OR4S1: variants seen among roughly 807,000 people sequenced by gnomAD.
OR4S1 encodes olfactory receptor 4S1.
For synonymous variants in OR4S1, 197 were observed against 144.5 expected, an observed-to-expected ratio of 1.36 and a Z score of -2.61; for missense variants, 531 against 383.0, an observed-to-expected ratio of 1.39 and a Z score of -3.23.
At position 48,306,242 on chromosome 11, in the gene OR4S1, T is replaced by C. The variant is rs114984079; in HGVS notation, c.20T>C (p.Val7Ala). ...TAATCCATGGGTGCCAAGAACAATG[T>C]GACTGAGTTTGTTTTATTTGGCCTT... MGAKNN[V>A]TEFVLFGLFE... is the part of the protein sequence containing the mutation. The change falls in exon 1 of 1, where the codon GTG becomes GCG. Residue 7 changes from valine (V) to alanine (A), a missense_variant. Physicochemically the swap from Val to Ala is moderately conservative, Grantham distance 64. Transcript: ENST00000319988. 2,072 of 1,601,404 alleles carry C rather than the reference T, an allele frequency of 1.3e-3. 48 individuals carry two copies. The African/African-American group carries it at 0.025, about 19-fold the overall frequency.
chr11:48,306,770 T>G lies in OR4S1; in HGVS notation c.548T>G (p.Leu183Arg). 6.2e-7 allele frequency: 1 copy of G among 1,614,216 alleles called. No homozygotes were observed. The highest frequency in any genetic ancestry group is 8.5e-7 in the Non-Finnish European group (1 of 1,180,026). ...TTCTTCTGTGATGTTCATCCCCTGCTCAAGTTGGCCTGTGCAGACACCTAC... is the reference window on the plus strand; with the variant it reads ...TTCTTCTGTGATGTTCATCCCCTGCGCAAGTTGGCCTGTGCAGACACCTAC... ...DNFFCDVHPL[L>R]KLACADTYMV... The change falls in exon 1 of 1, where the codon CTC becomes CGC. Residue 183 changes from leucine (L) to arginine (R), a missense_variant. Coordinates refer to ENST00000319988, the MANE Select transcript of OR4S1 (RefSeq NM_001004725.1).
At position 48,306,231 on chromosome 11, in the gene OR4S1, C is replaced by T. The variant is rs1215123725; in HGVS notation, c.9C>T (p.Ala3=). The T allele has an allele frequency of 1.3e-6, 2 of 1,596,964 alleles. No homozygotes were observed. Among genetic ancestry groups the T allele is most frequent in the Middle Eastern group, 1.7e-4 (1 of 6,032 alleles). MG[A]KNNVTEFVLF... ...ATCAGGGCAGATAATCCATGGGTGC[C>T]AAGAACAATGTGACTGAGTTTGTTT... The change falls in exon 1 of 1, where the codon GCC becomes GCT. Residue 3 remains alanine (A), a synonymous_variant. Coordinates refer to ENST00000319988, the MANE Select transcript of OR4S1 (RefSeq NM_001004725.1).
rs745316345 is a variant in OR4S1, at chr11:48,306,824, G to T, written c.602G>T (p.Ser201Ile). The T allele has an allele frequency of 2.2e-5, 36 of 1,614,104 alleles. No homozygotes were observed. The highest frequency in any genetic ancestry group is 3.3e-4 in the Middle Eastern group (2 of 6,084). Residue 201 changes from serine (S) to isoleucine (I), a missense_variant, in exon 1 of 1, where the codon AGC (serine) becomes ATC (isoleucine). By Grantham distance (142) the Ser-to-Ile change is moderately radical (BLOSUM62 -2). Coordinates refer to ENST00000319988, the MANE Select transcript of OR4S1 (RefSeq NM_001004725.1). The stretch of plus-strand genomic sequence containing the variant: ...GTAGGTCTCATCGTGGTGGCCAACA[G>T]CGGTATGATTTCTTTAGCATCCTTT... ...YMVGLIVVAN[S>I]GMISLASFFI... is the part of the protein sequence containing the mutation.
In OR4S1 at chr11:48,306,972, G is replaced by GC; in HGVS notation, c.756dup (p.Met253HisfsTer14). 6.2e-7 allele frequency: 1 copy of GC among 1,614,112 alleles called. No homozygotes were observed. The highest frequency in any genetic ancestry group is 8.5e-7 in the Non-Finnish European group (1 of 1,180,024). On this transcript the variant is annotated frameshift_variant, in exon 1 of 1. Coordinates refer to ENST00000319988, the MANE Select transcript of OR4S1 (RefSeq NM_001004725.1). LOFTEE classifies it low-confidence loss of function (END_TRUNC). ...TAATCACTGTCCTTTTGGTTCTCAT[G>GC]CCCCCCATGTTCATGTACATTCGTC...
In OR4S1 at chr11:48,306,592, A is replaced by G. The variant is rs1427866387; in HGVS notation, c.370A>G (p.Ile124Val). 6.3e-7 allele frequency: 1 copy of G among 1,578,218 alleles called. No individual in the cohort carries two copies. The highest frequency in any genetic ancestry group is 8.7e-7 in the Non-Finnish European group (1 of 1,151,000). Reference sequence around the variant, plus strand: ...CATGGCCTATGACCGCTATGTGGCCATCTGTAGGCCCCTGCACTACACAGC... The same window carrying G: ...CATGGCCTATGACCGCTATGTGGCCGTCTGTAGGCCCCTGCACTACACAGC... ...TAMAYDRYVA[I>V]CRPLHYTAIM... Residue 124 changes from isoleucine to valine, a missense_variant, in exon 1 of 1, where the codon ATC (isoleucine) becomes GTC (valine). By Grantham distance (29) the Ile-to-Val change is conservative. Transcript: ENST00000319988.
chr11:48,306,948 A>G lies in OR4S1; in HGVS notation c.726A>G (p.Val242=). ...CTGTCTCCACATGTGGCTCACACGTAATCACTGTCCTTTTGGTTCTCATGC... is the reference window on the plus strand; with the variant it reads ...CTGTCTCCACATGTGGCTCACACGTGATCACTGTCCTTTTGGTTCTCATGC... ...RKAVSTCGSH[V]ITVLLVLMPP... Residue 242 remains valine (V), a synonymous_variant, in exon 1 of 1, where the codon GTA becomes GTG. Coordinates refer to ENST00000319988, the MANE Select transcript of OR4S1 (RefSeq NM_001004725.1). 6.2e-7 allele frequency: 1 copy of G among 1,614,196 alleles called. No individual in the cohort carries two copies. The highest frequency in any genetic ancestry group is 8.5e-7 in the Non-Finnish European group (1 of 1,180,026).
chr11:48,306,618 C>T lies in OR4S1; in HGVS notation c.396C>T (p.Ala132=), dbSNP rs2134447157. 1 of 1,509,828 alleles carries T rather than the reference C, an allele frequency of 6.6e-7. No homozygotes were observed. The highest frequency in any genetic ancestry group is 9.1e-7 in the Non-Finnish European group (1 of 1,093,540). 93.5% of individuals were successfully genotyped at this position (1,509,828 alleles called of 1,614,324 possible). ...VAICRPLHYT[A]IMDCRKCGLL... is the part of the protein sequence containing the mutation. ...TCTGTAGGCCCCTGCACTACACAGC[C>T]ATCATGGATTGCCGGAAGTGTGGCC... is the stretch of plus-strand genomic sequence containing the variant. The change falls in exon 1 of 1, where the codon GCC becomes GCT. Residue 132 remains alanine (A), a synonymous_variant. Coordinates refer to ENST00000319988, the MANE Select transcript of OR4S1 (RefSeq NM_001004725.1).
chr11:48,306,324 G>C lies in OR4S1; in HGVS notation c.102G>C (p.Val34=). Residue 34 remains valine (V), a synonymous_variant, in exon 1 of 1, where the codon GTG becomes GTC. Transcript: ENST00000319988. The stretch of plus-strand genomic sequence containing the variant: ...TTGTGGTATTCTTCCTCTTTCATGT[G>C]CTCACTGTCCTGGGGAACCTTCTGG... ...TCFVVFFLFH[V]LTVLGNLLVI... is the part of the protein sequence containing the mutation. 5 of 1,604,486 alleles carry C rather than the reference G, an allele frequency of 3.1e-6. No homozygotes were observed. Among genetic ancestry groups the C allele is most frequent in the Non-Finnish European group, 3.4e-6 (4 of 1,172,648 alleles).
In OR4S1 at chr11:48,307,119, G is replaced by C. The variant is rs1271860618; in HGVS notation, c.897G>C (p.Leu299=). ...NNDVKNAMRK[L]FRVKRSLGEK is the part of the protein sequence containing the mutation. The stretch of plus-strand genomic sequence containing the variant: ...ATGTGAAAAATGCCATGAGGAAGCT[G>C]TTTAGGGTCAAGAGGAGCTTAGGGG... Residue 299 remains leucine (L), a synonymous_variant, in exon 1 of 1, where the codon CTG becomes CTC. Transcript: ENST00000319988. The C allele has an allele frequency of 6.2e-7, 1 of 1,613,940 alleles. No individual in the cohort carries two copies. The highest frequency in any genetic ancestry group is 1.3e-5 in the African/African-American group (1 of 75,050).
chr11:48,306,311 T>C lies in OR4S1; in HGVS notation c.89T>C (p.Phe30Ser), dbSNP rs1590632219. The C allele has an allele frequency of 6.2e-7, 1 of 1,605,016 alleles. No individual in the cohort carries two copies. The highest frequency in any genetic ancestry group is 8.5e-7 in the Non-Finnish European group (1 of 1,173,038). ...EMQHTCFVVF[F>S]LFHVLTVLGN... is the part of the protein sequence containing the mutation. Reference sequence around the variant, plus strand: ...CAGCATACATGCTTTGTGGTATTCTTCCTCTTTCATGTGCTCACTGTCCTG... The same window carrying C: ...CAGCATACATGCTTTGTGGTATTCTCCCTCTTTCATGTGCTCACTGTCCTG... The change falls in exon 1 of 1, where the codon TTC becomes TCC. Residue 30 changes from phenylalanine (F) to serine (S), a missense_variant. Transcript: ENST00000319988.
At position 48,306,621 on chromosome 11, in the gene OR4S1, C is replaced by G. The variant is rs571664984; in HGVS notation, c.399C>G (p.Ile133Met). 6.7e-7 allele frequency: 1 copy of G among 1,497,272 alleles called. No individual in the cohort carries two copies. Among genetic ancestry groups the G allele is most frequent in the African/African-American group, 1.4e-5 (1 of 73,844 alleles). 92.7% of individuals were successfully genotyped at this position (1,497,272 alleles called of 1,614,324 possible). Residue 133 changes from isoleucine to methionine, a missense_variant, in exon 1 of 1, where the codon ATC becomes ATG. Ile to Met is a conservative substitution (Grantham distance 10). Transcript: ENST00000319988. ...AICRPLHYTA[I>M]MDCRKCGLLA... ...GTAGGCCCCTGCACTACACAGCCAT[C>G]ATGGATTGCCGGAAGTGTGGCCTGC...
chr11:48,306,737 T>C lies in OR4S1; in HGVS notation c.515T>C (p.Ile172Thr). 1 of 1,612,568 alleles carries C rather than the reference T, an allele frequency of 6.2e-7. No individual in the cohort carries two copies. Among genetic ancestry groups the C allele is most frequent in the Non-Finnish European group, 8.5e-7 (1 of 1,178,626 alleles). ...VQLPFCGPNE[I>T]DNFFCDVHPL... ...CTGCCTTTTTGTGGGCCCAATGAGA[T>C]AGACAACTTCTTCTGTGATGTTCAT... The change falls in exon 1 of 1, where the codon ATA (isoleucine) becomes ACA (threonine). Residue 172 changes from isoleucine to threonine, a missense_variant. By Grantham distance (89) the Ile-to-Thr change is moderately conservative. Coordinates refer to ENST00000319988, the MANE Select transcript of OR4S1 (RefSeq NM_001004725.1).
At position 48,306,687 on chromosome 11, in the gene OR4S1, C is replaced by G. The variant is rs1327299659; in HGVS notation, c.465C>G (p.Ile155Met). Reference sequence around the variant, plus strand: ...GGTTAGCTGGCTTCCTGCATTCCATCCTGCAGACCCTCCTCACGGTTCAGC... The same window carrying G: ...GGTTAGCTGGCTTCCTGCATTCCATGCTGCAGACCCTCCTCACGGTTCAGC... ...ASWLAGFLHS[I>M]LQTLLTVQLP... Residue 155 changes from isoleucine to methionine, a missense_variant, in exon 1 of 1, where the codon ATC becomes ATG. Transcript: ENST00000319988. 1 of 1,614,110 alleles carries G rather than the reference C, an allele frequency of 6.2e-7. No individual in the cohort carries two copies. Among genetic ancestry groups the G allele is most frequent in the South Asian group, 1.1e-5 (1 of 91,072 alleles).
At position 48,306,916 on chromosome 11, in the gene OR4S1, C is replaced by A; in HGVS notation, c.694C>A (p.Arg232Ser). ...NLRSQSSEDR[R>S]KAVSTCGSHV... The stretch of plus-strand genomic sequence containing the variant: ...AAGAAGCCAGTCATCTGAGGACCGG[C>A]GTAAGGCTGTCTCCACATGTGGCTC... Residue 232 changes from arginine (R) to serine (S), a missense_variant, in exon 1 of 1, where the codon CGT (arginine) becomes AGT (serine). Arg to Ser is a moderately radical substitution (Grantham distance 110). Coordinates refer to ENST00000319988, the MANE Select transcript of OR4S1 (RefSeq NM_001004725.1). 2 of 1,614,120 alleles carry A rather than the reference C, an allele frequency of 1.2e-6. No individual in the cohort carries two copies. The highest frequency in any genetic ancestry group is 1.7e-6 in the Non-Finnish European group (2 of 1,179,978).
In OR4S1 at chr11:48,306,452, C is replaced by T; in HGVS notation, c.230C>T (p.Pro77Leu). 6.2e-7 allele frequency: 1 copy of T among 1,608,018 alleles called. No individual in the cohort carries two copies. Among genetic ancestry groups the T allele is most frequent in the Non-Finnish European group, 8.5e-7 (1 of 1,175,016 alleles). The change falls in exon 1 of 1, where the codon CCC becomes CTC. Residue 77 changes from proline to leucine, a missense_variant. Pro to Leu is a moderately conservative substitution (Grantham distance 98, BLOSUM62 -3). Transcript: ENST00000319988. ...ATATGTTATCCATCCACTACCATAC[C>T]CAAGATGATTGCTGACACTTTTGTG... ...ADICYPSTTI[P>L]KMIADTFVEH...
Position 48,307,077 on chromosome 11 carries a change from T to C in OR4S1, c.855T>C (p.Tyr285=), listed in dbSNP as rs373514252. 5.0e-6 allele frequency: 8 copies of C among 1,613,874 alleles called. No homozygotes were observed. The African/African-American group carries it at 8.0e-5, about 16-fold the overall frequency. Residue 285 remains tyrosine, a synonymous_variant, in exon 1 of 1, where the codon TAT becomes TAC. Coordinates refer to ENST00000319988, the MANE Select transcript of OR4S1 (RefSeq NM_001004725.1). The part of the protein sequence containing the change: ...VMPPLLNPLI[Y]TLRNNDVKNA... Reference sequence around the variant, plus strand: ...CACCTTTGCTGAACCCTTTGATCTATACACTAAGGAACAACGATGTGAAAA... The same window carrying C: ...CACCTTTGCTGAACCCTTTGATCTACACACTAAGGAACAACGATGTGAAAA...
At position 48,306,860 on chromosome 11, in the gene OR4S1, T is replaced by G; in HGVS notation, c.638T>G (p.Ile213Ser). The change falls in exon 1 of 1, where the codon ATC (isoleucine) becomes AGC (serine). Residue 213 changes from isoleucine to serine, a missense_variant. Physicochemically the swap from Ile to Ser is moderately radical, Grantham distance 142. Coordinates refer to ENST00000319988, the MANE Select transcript of OR4S1 (RefSeq NM_001004725.1). ...TCTTTAGCATCCTTTTTTATCCTTA[T>G]CATTTCCTATGTTATCATCTTACTG... ...MISLASFFIL[I>S]ISYVIILLNL... 6.2e-7 allele frequency: 1 copy of G among 1,614,188 alleles called. No individual in the cohort carries two copies. The highest frequency in any genetic ancestry group is 2.2e-5 in the East Asian group (1 of 44,880).
chr11:48,306,721 T>G lies in OR4S1; in HGVS notation c.499T>G (p.Cys167Gly). 6.2e-7 allele frequency: 1 copy of G among 1,614,186 alleles called. No homozygotes were observed. Among genetic ancestry groups the G allele is most frequent in the South Asian group, 1.1e-5 (1 of 91,074 alleles). Reference protein sequence around the residue: ...QTLLTVQLPFCGPNEIDNFFC... With the variant: ...QTLLTVQLPFGGPNEIDNFFC... ...CCTCCTCACGGTTCAGCTGCCTTTT[T>G]GTGGGCCCAATGAGATAGACAACTT... Residue 167 changes from cysteine (C) to glycine (G), a missense_variant, in exon 1 of 1, where the codon TGT becomes GGT. Cys to Gly is a radical substitution (Grantham distance 159). Coordinates refer to ENST00000319988, the MANE Select transcript of OR4S1 (RefSeq NM_001004725.1).
Position 48,306,983 on chromosome 11 carries a change from T to C in OR4S1, c.761T>C (p.Phe254Ser), listed in dbSNP as rs1014415777. ...TVLLVLMPPMFMYIRPSTTLA... is the reference protein window; with the variant it reads ...TVLLVLMPPMSMYIRPSTTLA... ...CTTTTGGTTCTCATGCCCCCCATGTTCATGTACATTCGTCCCTCCACCACC... is the reference window on the plus strand; with the variant it reads ...CTTTTGGTTCTCATGCCCCCCATGTCCATGTACATTCGTCCCTCCACCACC... Residue 254 changes from phenylalanine (F) to serine (S), a missense_variant, in exon 1 of 1, where the codon TTC becomes TCC. Coordinates refer to ENST00000319988, the MANE Select transcript of OR4S1 (RefSeq NM_001004725.1). 8.1e-6 allele frequency: 13 copies of C among 1,614,086 alleles called. No individual in the cohort carries two copies. The highest frequency in any genetic ancestry group is 1.1e-5 in the Non-Finnish European group (13 of 1,180,030).
Sources: allele counts gnomAD v4.1 joint callset, GRCh38; gene constraint gnomAD v4.1.1; transcripts MANE v1.5; gene names NCBI Gene and HGNC (gene_info 2026-07-23, HGNC 2026-07-21).